Variants in MFSD6 observed in about 807,000 individuals in gnomAD.
The protein encoded by MFSD6 is major facilitator superfamily domain containing 6, also known as major facilitator superfamily domain-containing protein 6.
MFSD6 carries 26 observed loss-of-function variants against 56.3 expected under a neutral mutation model. The ratio of observed to expected loss-of-function variants is 0.46; its 90% CI spans 0.34 to 0.64. The LOEUF is 0.64. MFSD6 is among the 30% of genes least tolerant of loss of function. The pLI, the probability that MFSD6 is intolerant of heterozygous loss-of-function variation, is 0.01. For missense variants in MFSD6, 750 were observed against 986.2 expected (o/e 0.76, Z 3.21); for synonymous variants, 331 against 366.9 (o/e 0.90, Z 1.12).
chr2:190,410,512 T>C lies in MFSD6; in HGVS notation c.-176+2009T>C, dbSNP rs905143811. On this transcript the variant is annotated intron_variant, in intron 1 of 7. Coordinates refer to ENST00000392328, the MANE Select transcript of MFSD6 (RefSeq NM_017694.4). The surrounding 1 kb of genome is among the most constrained non-coding windows in gnomAD (Gnocchi z 4.4). ...GATTTCAATGTACATGTATTACTTA[T>C]GTTAACATTTAGCCATGTAGGATAA... is the stretch of plus-strand genomic sequence containing the variant. Among the ~76,000 whole-genome samples the C allele has an allele frequency of 2.0e-5, 3 of 152,358 alleles. No homozygotes were observed. Among genetic ancestry groups the C allele is most frequent in the Non-Finnish European group, 2.9e-5 (2 of 68,038 alleles).
In MFSD6 at chr2:190,500,364, C is replaced by T. The variant is rs988723905; in HGVS notation, c.*146C>T. On this transcript the variant is annotated 3_prime_UTR_variant, in exon 8 of 8. Transcript: ENST00000392328. The surrounding 1 kb of genome is among the most constrained non-coding windows in gnomAD (Gnocchi z 5.3). ...ATATCTAAACTCATTAACATGGAAA[C>T]ACACACACAGGAGCTACAGTACATA... The T allele has an allele frequency of 2.5e-6, 2 of 793,250 alleles. No individual in the cohort carries two copies. The highest frequency in any genetic ancestry group is 3.9e-6 in the Non-Finnish European group (2 of 507,210). 49.1% of individuals were successfully genotyped at this position (793,250 alleles called of 1,614,324 possible).
chr2:190,478,091 C>T (rs547237489), intron 4 of MFSD6, among the ~76,000 whole-genome samples: 1 of 152,286 alleles, frequency 6.6e-6, no homozygotes, highest in East Asian at 1.9e-4. Context: ...TTGTATGCAC[C>T]TCAGGGATAT....
In MFSD6 at chr2:190,410,794, A is replaced by G. The variant is rs980102969; in HGVS notation, c.-176+2291A>G. 6.6e-6 allele frequency among the ~76,000 whole-genome samples: 1 copy of G among 152,196 alleles called. No homozygotes were observed. The highest frequency in any genetic ancestry group is 2.4e-5 in the African/African-American group (1 of 41,444). The stretch of plus-strand genomic sequence containing the variant: ...AAAAAATGGCTGGGCAAGGTGGCTC[A>G]TGCCTGTAATCCCAGCACTTTGGGA... On this transcript the variant is annotated intron_variant, in intron 1 of 7. Transcript: ENST00000392328. The surrounding 1 kb of genome is among the most constrained non-coding windows in gnomAD (Gnocchi z 4.4).
rs746800451 is a variant in MFSD6, at chr2:190,436,586, C to T, written c.557C>T (p.Thr186Ile). 2.5e-6 allele frequency: 4 copies of T among 1,614,212 alleles called. No homozygotes were observed. Among genetic ancestry groups the T allele is most frequent in the Non-Finnish European group, 3.4e-6 (4 of 1,180,030 alleles). ...LTILPTNSSF[T>I]SFLTISPKMR... ...ATCCTGCCAACAAATTCTTCCTTTA[C>T]CTCTTTCCTCACCATATCACCAAAA... The change falls in exon 3 of 8, where the codon ACC (threonine) becomes ATC (isoleucine). Residue 186 changes from threonine to isoleucine, a missense_variant. Thr to Ile is a moderately conservative substitution (Grantham distance 89). Transcript: ENST00000392328. This position sits in a 1 kb window ranked among gnomAD's most constrained non-coding sequence, Gnocchi z 5.3.
Position 190,501,978 on chromosome 2 carries a change from TG to T in MFSD6, c.*1761del, listed in dbSNP as rs1285453167. On this transcript the variant is annotated 3_prime_UTR_variant, in exon 8 of 8. Coordinates refer to ENST00000392328, the MANE Select transcript of MFSD6 (RefSeq NM_017694.4). ...ACTGTAGGAAGTCAAAAACTTGTAC[TG>T]TATCTTGTGTTTACAGTTCTGATTT... 6.6e-6 allele frequency: 1 copy of T among 152,668 alleles called. No homozygotes were observed. The highest frequency in any genetic ancestry group is 1.5e-5 in the Non-Finnish European group (1 of 68,038). The allele number at this position is 152,668 out of a possible 1,614,324, so 9.5% of individuals were successfully genotyped here.
intron 6 of MFSD6, among the ~76,000 whole-genome samples, chr2:190,493,183 A>C (rs1175970418): frequency 6.6e-6 from 1 of 152,102 alleles, no homozygotes; most frequent in Non-Finnish European, 1.5e-5. Context: ...AAAGGGGTGG[A>C]AAAAGACATT....
Position 190,463,061 on chromosome 2 carries a change from A to T in MFSD6, c.1533-6697A>T, listed in dbSNP as rs532966863. ...GAGATGCCATGGAGAGGACAAAAAA[A>T]GGGGAGAGAAGACAAGAGATTCCAG... On this transcript the variant is annotated intron_variant, in intron 3 of 7. Transcript: ENST00000392328. The surrounding 1 kb of genome is among the most constrained non-coding windows in gnomAD (Gnocchi z 4.4). Among the ~76,000 whole-genome samples the T allele has an allele frequency of 6.6e-6, 1 of 152,178 alleles. No homozygotes were observed. Among genetic ancestry groups the T allele is most frequent in the South Asian group, 2.1e-4 (1 of 4,828 alleles).
chr2:190,474,634 G>T (rs1164789880), intron 4 of MFSD6, among the ~76,000 whole-genome samples: 1 of 152,246 alleles, frequency 6.6e-6, no homozygotes, highest in African/African-American at 2.4e-5. Context: ...TTCGACCAGA[G>T]GTACAAGGAG....
At chr2:190,453,257 C>A (rs145025697) in intron 3 of MFSD6, among the ~76,000 whole-genome samples, 2,838 of 151,910 alleles carry the variant, frequency 0.019, 38 homozygotes, top group Non-Finnish European at 0.029. Context: ...GTGCCACTCA[C>A]CAAGGAGAAG....
intron 1 of MFSD6, chr2:190,411,636 T>C (rs1001593381): frequency 1.0e-6 from 1 of 978,476 alleles, no homozygotes; most frequent in African/African-American, 1.8e-5. Flanking sequence ...TTTATAACAA[T>C]CCAAAGTAAG....
chr2:190,494,091 AAAT>A lies in MFSD6; in HGVS notation c.1892-3347_1892-3345del, dbSNP rs1689524213. Among the ~76,000 whole-genome samples the A allele has an allele frequency of 6.6e-6, 1 of 152,234 alleles. No individual in the cohort carries two copies. On this transcript the variant is annotated intron_variant, in intron 6 of 7. Transcript: ENST00000392328. The surrounding 1 kb of genome is among the most constrained non-coding windows in gnomAD (Gnocchi z 5.7). Reference sequence around the variant, plus strand: ...AGCTGGTTGTTTGAAAAGATAAATAAAATTGATATATCATTAACAAGATTAACC... The same window carrying A: ...AGCTGGTTGTTTGAAAAGATAAATAATGATATATCATTAACAAGATTAACC...
intron 2 of MFSD6, among the ~76,000 whole-genome samples, chr2:190,422,725 C>T (rs1274214326): frequency 6.6e-6 from 1 of 152,136 alleles, no homozygotes; most frequent in African/African-American, 2.4e-5. Context: ...GGTCATTTCA[C>T]TCAGACAACT....
At chr2:190,452,738 C>T (rs1418450378) in intron 3 of MFSD6, among the ~76,000 whole-genome samples, 1 of 152,126 alleles carries the variant, frequency 6.6e-6, no homozygotes, top group African/African-American at 2.4e-5. Flanking sequence ...CTGGTGAGAT[C>T]TCCATCCCTG....
rs771508828 is a variant in MFSD6, at chr2:190,413,244, C to T, written c.-175-2048C>T. ...GATGTGAGTGAGAGTTCTGTATTACCTTGTGACCTGGTGGTCCTGCTGCAT... is the reference window on the plus strand; with the variant it reads ...GATGTGAGTGAGAGTTCTGTATTACTTTGTGACCTGGTGGTCCTGCTGCAT... On this transcript the variant is annotated intron_variant, in intron 1 of 7. Transcript: ENST00000392328. This position sits in a 1 kb window ranked among gnomAD's most constrained non-coding sequence, Gnocchi z 4.1. Among the ~76,000 whole-genome samples, 4 of 151,982 alleles carry T rather than the reference C, an allele frequency of 2.6e-5. No homozygotes were observed. Among genetic ancestry groups the T allele is most frequent in the Non-Finnish European group, 5.9e-5 (4 of 68,020 alleles).
At position 190,437,568 on chromosome 2, in the gene MFSD6, A is replaced by G; in HGVS notation, c.1532+7A>G. 2.5e-6 allele frequency: 4 copies of G among 1,607,564 alleles called. No homozygotes were observed. Among genetic ancestry groups the G allele is most frequent in the Non-Finnish European group, 3.4e-6 (4 of 1,175,256 alleles). On this transcript the variant is annotated splice_region_variant and intron_variant, in intron 3 of 7. Coordinates refer to ENST00000392328, the MANE Select transcript of MFSD6 (RefSeq NM_017694.4). This position sits in a 1 kb window ranked among gnomAD's most constrained non-coding sequence, Gnocchi z 5.9. ...AATTGATCGGCCACATCAGGTAAGA[A>G]CATGCTTACGATTGCTGCCCCTCAG... is the stretch of plus-strand genomic sequence containing the variant.
In MFSD6 at chr2:190,447,306, A is replaced by T. The variant is rs1686619424; in HGVS notation, c.1532+9745A>T. On this transcript the variant is annotated intron_variant, in intron 3 of 7. Coordinates refer to ENST00000392328, the MANE Select transcript of MFSD6 (RefSeq NM_017694.4). The surrounding 1 kb of genome is among the most constrained non-coding windows in gnomAD (Gnocchi z 4.5). ...GACAGCTGGCAATGTTCTGTTAGAC[A>T]TGAGTGATTGAGCGAAACTGTGAGG... 6.6e-6 allele frequency among the ~76,000 whole-genome samples: 1 copy of T among 152,210 alleles called. No homozygotes were observed. Among genetic ancestry groups the T allele is most frequent in the Non-Finnish European group, 1.5e-5 (1 of 68,046 alleles).
intron 4 of MFSD6, among the ~76,000 whole-genome samples, chr2:190,484,907 G>A (rs1439740231): frequency 6.6e-6 from 1 of 152,046 alleles, no homozygotes; most frequent in African/African-American, 2.4e-5. Flanking sequence ...TCTGCTTTTA[G>A]TATCAGAAAT....
At position 190,469,133 on chromosome 2, in the gene MFSD6, T is replaced by C. The variant is rs1687769492; in HGVS notation, c.1533-625T>C. Among the ~76,000 whole-genome samples the C allele has an allele frequency of 6.6e-6, 1 of 152,200 alleles. No individual in the cohort carries two copies. Among genetic ancestry groups the C allele is most frequent in the African/African-American group, 2.4e-5 (1 of 41,444 alleles). ...TGTATATTTATTAGTTTTGTAAACA[T>C]ATGATACCATGAATTTTTTAAAAGA... On this transcript the variant is annotated intron_variant, in intron 3 of 7. Coordinates refer to ENST00000392328, the MANE Select transcript of MFSD6 (RefSeq NM_017694.4). This position sits in a 1 kb window ranked among gnomAD's most constrained non-coding sequence, Gnocchi z 5.3.
rs946398757 is a variant in MFSD6 at position 190,496,771 on chromosome 2, T to C, written c.1892-668T>C. Among the ~76,000 whole-genome samples, 2 of 152,192 alleles carry C rather than the reference T, an allele frequency of 1.3e-5. No individual in the cohort carries two copies. The highest frequency in any genetic ancestry group is 3.9e-4 in the East Asian group (2 of 5,194). ...TTAATGGCATTCACAGCAACCTGGA[T>C]GGAACTGGAGACCATATTCTAAGTG... On this transcript the variant is annotated intron_variant, in intron 6 of 7. Coordinates refer to ENST00000392328, the MANE Select transcript of MFSD6 (RefSeq NM_017694.4). This position sits in a 1 kb window ranked among gnomAD's most constrained non-coding sequence, Gnocchi z 4.7.
Sources: allele counts gnomAD v4.1 joint callset (sites outside exome capture counted in the v4.1 genomes callset), GRCh38; gene constraint gnomAD v4.1.1; non-coding constraint Gnocchi (gnomAD v3.1); transcripts MANE v1.5; gene names NCBI Gene and HGNC (gene_info 2026-07-23, HGNC 2026-07-21).